Variants in CFAP46 observed in about 807,000 individuals in gnomAD.
CFAP46 encodes the protein cilia- and flagella-associated protein 46.
CFAP46 carries 245 observed loss-of-function variants against 325.7 expected under a neutral mutation model. That is an observed-to-expected ratio of 0.75 (90% CI 0.68 to 0.84). CFAP46 has a LOEUF of 0.84. CFAP46 is among the 40% of genes least tolerant of loss of function. The pLI is 0.00. For synonymous variants in CFAP46, 1,523 were observed against 1,495.9 expected (o/e 1.02, Z -0.42); for missense variants, 3,346 against 3,543.0 (o/e 0.94, Z 1.41).
chr10:132,888,695 TCACCCCTGCCGCCTG>T (rs1289647928), intron 25 of CFAP46, among the ~76,000 whole-genome samples: 245 of 23,062 alleles, frequency 0.011, 2 homozygotes, highest in Middle Eastern at 0.023. Flanking sequence ...CCTGCCACCT[TCACCCCTGCCGCCTG>T]CACCCCTGCC....
chr10:132,873,534 C>A (rs1211952685), intron 31 of CFAP46, among the ~76,000 whole-genome samples: 1 of 150,932 alleles, frequency 6.6e-6, no homozygotes, highest in Non-Finnish European at 1.5e-5. Flanking sequence ...CAGCTGAGGG[C>A]CCCATGGTGC....
At chr10:132,894,720 G>GA (rs1326361396) in intron 24 of CFAP46, among the ~76,000 whole-genome samples, 1 of 152,000 alleles carries the variant, frequency 6.6e-6, no homozygotes, top group Non-Finnish European at 1.5e-5. Flanking sequence ...AGATAATCTA[G>GA]AAAAAATGAA....
rs1012715024 is a variant in CFAP46 at position 132,835,289 on chromosome 10, C to A, written c.6744+15G>T. 6.2e-7 allele frequency: 1 copy of A among 1,611,062 alleles called. No homozygotes were observed. The highest frequency in any genetic ancestry group is 8.5e-7 in the Non-Finnish European group (1 of 1,179,042). On this transcript the variant is annotated intron_variant, in intron 47 of 57. Transcript: ENST00000368586. ...AGGGTCCCGGCTGGGTGGCTTGGAG[C>A]CTGGAGGGCCTCACCGAGCCTATGT...
At position 132,853,589 on chromosome 10, in the gene CFAP46, C is replaced by A. The variant is rs188165087; in HGVS notation, c.5575-2284G>T. On this transcript the variant is annotated intron_variant, in intron 39 of 57. Coordinates refer to ENST00000368586, the MANE Select transcript of CFAP46 (RefSeq NM_001200049.3). ...TTTCTAGAATAATTTGTGTAGAACT[C>A]GTATTATTTTTTCTTAAATATTTGG... Among the ~76,000 whole-genome samples the A allele has an allele frequency of 3.3e-3, 508 of 152,034 alleles. 2 individuals are homozygous for A. The highest frequency in any genetic ancestry group is 5.6e-3 in the Non-Finnish European group (382 of 67,966).
intron 27 of CFAP46, among the ~76,000 whole-genome samples, chr10:132,881,614 C>A (rs576467458): frequency 4.5e-4 from 53 of 119,016 alleles, no homozygotes; most frequent in African/African-American, 1.3e-3. Flanking sequence ...TTAGCCTGCA[C>A]CGCACCCTCC....
chr10:132,921,445 C>G (rs1849721298), intron 13 of CFAP46, among the ~76,000 whole-genome samples: 1 of 152,216 alleles, frequency 6.6e-6, no homozygotes, highest in African/African-American at 2.4e-5. Flanking sequence ...GGCCGTACGG[C>G]CCCGTGTCCC....
intron 25 of CFAP46, among the ~76,000 whole-genome samples, chr10:132,887,010 C>CCT (rs995571631): frequency 6.6e-6 from 1 of 151,588 alleles, no homozygotes; most frequent in African/African-American, 2.4e-5. Context: ...CTCTCTCTCG[C>CCT]CTCTCTCTCT....
intron 39 of CFAP46, among the ~76,000 whole-genome samples, chr10:132,852,283 C>G (rs1848566687): frequency 1.8e-5 from 2 of 111,208 alleles, no homozygotes; most frequent in Non-Finnish European, 4.1e-5. Flanking sequence ...CTTAGACATT[C>G]TCAGATCCTG....
At chr10:132,865,847 G>A (rs925428100) in intron 35 of CFAP46, among the ~76,000 whole-genome samples, 178 bp downstream of exon 35, 5 of 152,230 alleles carry the variant, frequency 3.3e-5, no homozygotes, top group Non-Finnish European at 5.9e-5. Flanking sequence ...AGCAAAAGAC[G>A]GACAGACAGA....
chr10:132,909,211 C>G lies in CFAP46; in HGVS notation c.2683G>C (p.Val895Leu), dbSNP rs1849503970. 1.3e-6 allele frequency: 2 copies of G among 1,550,286 alleles called. No homozygotes were observed. The highest frequency in any genetic ancestry group is 2.0e-5 in the Admixed American group (1 of 50,982). The change falls in exon 21 of 58, where the codon GTC becomes CTC. Residue 895 changes from valine to leucine, a missense_variant. Physicochemically the swap from Val to Leu is conservative, Grantham distance 32. Transcript: ENST00000368586. ...GAGTACATTTCCAAGGCAACGAGGA[C>G]TCTGGTCACCGAGCTGACATCCTCA... The part of the protein sequence containing the change: ...TNEDVSSVTR[V>L]LVALEMYSCN...
At chr10:132,896,707 T>A (rs1459291252) in intron 24 of CFAP46, among the ~76,000 whole-genome samples, 1 of 152,202 alleles carries the variant, frequency 6.6e-6, no homozygotes, top group East Asian at 1.9e-4. Flanking sequence ...ATAGTCTTTT[T>A]AAAAATATAT....
chr10:132,836,093 T>C (rs759270819), intron 46 of CFAP46, 49 bp downstream of exon 46: 17 of 1,251,500 alleles, frequency 1.4e-5, no homozygotes, highest in Non-Finnish European at 4.2e-6. Context: ...CTCTCGCCCA[T>C]GCTCCGCCTG....
chr10:132,913,037 CACACG>C lies in CFAP46; in HGVS notation c.2333+4_2333+8del. 2 of 1,549,172 alleles carry C rather than the reference CACACG, an allele frequency of 1.3e-6. No homozygotes were observed. Among genetic ancestry groups the C allele is most frequent in the Non-Finnish European group, 1.7e-6 (2 of 1,146,758 alleles). On this transcript the variant is annotated splice_donor_5th_base_variant and intron_variant, in intron 18 of 57. Transcript: ENST00000368586. Reference sequence around the variant, plus strand: ...CTCCCTGCGTGAACGCAGCACAGCCCACACGCACCCACTGTGGCCTGTGGCCTTAA... The same window carrying C: ...CTCCCTGCGTGAACGCAGCACAGCCCCACCCACTGTGGCCTGTGGCCTTAA...
intron 49 of CFAP46, 56 bp downstream of exon 49, chr10:132,833,985 A>G: frequency 1.3e-6 from 2 of 1,541,076 alleles, no homozygotes; most frequent in Non-Finnish European, 1.8e-6. Context: ...TCCCAACCCC[A>G]CCTCTTCTGG....
chr10:132,842,332 C>T (rs1453092110), intron 44 of CFAP46, among the ~76,000 whole-genome samples: 1 of 152,198 alleles, frequency 6.6e-6, no homozygotes, highest in African/African-American at 2.4e-5. Context: ...GTTTTAATAC[C>T]TTGCTCCACA....
chr10:132,832,398 C>T lies in CFAP46; in HGVS notation c.7117+960G>A, dbSNP rs139899988. 9.0e-5 allele frequency among the ~76,000 whole-genome samples: 12 copies of T among 132,906 alleles called. No homozygotes were observed. Among genetic ancestry groups the T allele is most frequent in the Non-Finnish European group, 1.8e-4 (11 of 61,430 alleles). 87.2% of individuals were successfully genotyped at this position (132,906 alleles called of 152,430 possible). ...CCCTGGGCTCTTCCTGCCCCCCCCC[C>T]CCAATGCTGTGGCCTGGAAATTCCC... On this transcript the variant is annotated intron_variant, in intron 50 of 57. Transcript: ENST00000368586. This position sits in a 1 kb window ranked among gnomAD's most constrained non-coding sequence, Gnocchi z 4.1.
At chr10:132,825,197 C>T (rs572155950) in intron 50 of CFAP46, among the ~76,000 whole-genome samples, 227 of 121,166 alleles carry the variant, frequency 1.9e-3, no homozygotes, top group African/African-American at 7.0e-3. Flanking sequence ...GTGCTGTGTG[C>T]GCTGTGTGCT....
chr10:132,825,586 T>C (rs114959969), intron 50 of CFAP46, among the ~76,000 whole-genome samples: 153 of 152,304 alleles, frequency 1.0e-3, no homozygotes, highest in African/African-American at 3.5e-3. Flanking sequence ...TTAGAAAACA[T>C]GCTAAAAGCA....
chr10:132,830,054 T>C (rs761308676), intron 50 of CFAP46, among the ~76,000 whole-genome samples: 2 of 151,734 alleles, frequency 1.3e-5, no homozygotes, highest in Non-Finnish European at 2.9e-5. Context: ...AGAAAATCAG[T>C]TGGGAAGCAG....
Sources: gnomAD v4.1 joint callset for allele counts (sites outside exome capture counted in the v4.1 genomes callset) on GRCh38, gnomAD v4.1.1 for gene constraint, Gnocchi (gnomAD v3.1) non-coding constraint, MANE v1.5 for transcripts, NCBI Gene and HGNC (gene_info 2026-07-23, HGNC 2026-07-21) for gene names.